DAB1: variants seen among roughly 807,000 people sequenced by gnomAD.
The protein encoded by DAB1 is disabled homolog 1.
In DAB1, 15 loss-of-function variants were observed where a neutral mutation model predicts 64.6. The ratio of observed to expected loss-of-function variants is 0.23; its 90% CI spans 0.16 to 0.36. The LOEUF is 0.36. Ranked by LOEUF, DAB1 falls within the 10% of genes least tolerant of loss-of-function variation. The pLI is 1.00. For synonymous variants in DAB1, 235 were observed against 251.9 expected, an observed-to-expected ratio of 0.93 and a Z score of 0.64; for missense variants, 596 against 706.7, an observed-to-expected ratio of 0.84 and a Z score of 1.78.
rs12066549 is a variant in DAB1 at position 58,343,099 on chromosome 1, C to A, written n.309+253G>T. Among the ~76,000 whole-genome samples the A allele has an allele frequency of 3.3e-3, 496 of 152,274 alleles. 3 individuals carry two copies. Among genetic ancestry groups the A allele is most frequent in the African/African-American group, 0.011 (472 of 41,570 alleles). On this transcript the variant is annotated intron_variant and non_coding_transcript_variant, in intron 4 of 20. Coordinates refer to the DAB1 transcript ENST00000485760. ...CTCCTATTTGTCTCAAATGTTCCAT[C>A]CAGCCCCAACTCCCTTTTCCACAGG...
intron 5 of DAB1, among the ~76,000 whole-genome samples, chr1:58,109,840 G>A (rs574425357): frequency 1.3e-5 from 2 of 151,506 alleles, no homozygotes; most frequent in Non-Finnish European, 2.9e-5. Flanking sequence ...AGAAGGGGAG[G>A]TTTTGGAGAT....
intron 5 of DAB1, among the ~76,000 whole-genome samples, chr1:58,073,056 A>G (rs1206926843): frequency 6.6e-6 from 1 of 152,208 alleles, no homozygotes; most frequent in Non-Finnish European, 1.5e-5. Flanking sequence ...GCTATTTTAT[A>G]ATGGGGAAAC....
At chr1:57,622,382 T>A (rs1346851827) in intron 7 of DAB1, among the ~76,000 whole-genome samples, 6 of 152,226 alleles carry the variant, frequency 3.9e-5, no homozygotes, top group African/African-American at 1.4e-4. Context: ...GATATGGGTT[T>A]GAATCCAGGC....
intron 4 of DAB1, among the ~76,000 whole-genome samples, chr1:58,286,294 CA>C (rs1230729228): frequency 6.6e-6 from 1 of 152,066 alleles, no homozygotes; most frequent in Non-Finnish European, 1.5e-5. Flanking sequence ...GCAATTGCAA[CA>C]AAAGCAAAAA....
intron 2 of DAB1, among the ~76,000 whole-genome samples, chr1:57,280,274 C>T (rs1671782683): frequency 6.6e-6 from 1 of 152,178 alleles, no homozygotes; most frequent in Non-Finnish European, 1.5e-5. Flanking sequence ...CTTGCCTCTC[C>T]TCTGCCTTTG....
intron 5 of DAB1, among the ~76,000 whole-genome samples, chr1:58,090,458 C>T (rs1364810280): frequency 1.3e-5 from 2 of 152,072 alleles, no homozygotes; most frequent in African/African-American, 2.4e-5. Context: ...TTTTCTCCTC[C>T]GGGCCTATCA....
chr1:57,872,549 C>T (rs919866074), intron 1 of DAB1, among the ~76,000 whole-genome samples: 1 of 152,132 alleles, frequency 6.6e-6, no homozygotes, highest in Admixed American at 6.5e-5. Context: ...AAGATAACTA[C>T]CCACTGGTCA....
At chr1:57,814,537 C>T (rs1266447924) in intron 6 of DAB1, among the ~76,000 whole-genome samples, 1 of 152,140 alleles carries the variant, frequency 6.6e-6, no homozygotes, top group Admixed American at 6.5e-5. Context: ...ACACAGGACA[C>T]TGCAAAGAGC....
At chr1:58,395,672 T>G (rs910583128) in intron 3 of DAB1, among the ~76,000 whole-genome samples, 5 of 152,152 alleles carry the variant, frequency 3.3e-5, no homozygotes, top group African/African-American at 4.8e-5. Context: ...CTCTTTTTTT[T>G]GGGAAGTTAG....
chr1:57,643,610 C>T (rs974821011), intron 7 of DAB1, among the ~76,000 whole-genome samples: 1 of 152,132 alleles, frequency 6.6e-6, no homozygotes, highest in Admixed American at 6.5e-5. Flanking sequence ...TATTTCATTT[C>T]TTCAGCTTCT....
At chr1:57,538,414 C>T (rs1422946584) in intron 7 of DAB1, among the ~76,000 whole-genome samples, 2 of 152,128 alleles carry the variant, frequency 1.3e-5, no homozygotes, top group Non-Finnish European at 2.9e-5. Context: ...GCCCTACCTC[C>T]CTCCCTGGCT....
intron 2 of DAB1, among the ~76,000 whole-genome samples, chr1:57,216,705 TA>T (rs1442574822): frequency 6.6e-6 from 1 of 152,244 alleles, no homozygotes; most frequent in African/African-American, 2.4e-5. Context: ...CTTTTATTTA[TA>T]TGCCACTTTG....
Position 58,413,974 on chromosome 1 carries a change from T to C in DAB1, n.258-70571A>G, listed in dbSNP as rs564471380. Among the ~76,000 whole-genome samples the C allele has an allele frequency of 5.3e-5, 8 of 152,328 alleles. 1 individual carries two copies. In the South Asian group the frequency reaches 1.7e-3, roughly 32 times the overall value. On this transcript the variant is annotated intron_variant and non_coding_transcript_variant, in intron 3 of 20. Coordinates refer to the DAB1 transcript ENST00000485760. ...TAGCTTACTACACACCTAGAGTATA[T>C]GGTGTAGCATATTGCTTCTAAGCTA...
At chr1:58,400,895 G>A (rs1644563651) in intron 3 of DAB1, among the ~76,000 whole-genome samples, 1 of 152,078 alleles carries the variant, frequency 6.6e-6, no homozygotes, top group Admixed American at 6.6e-5. Flanking sequence ...AAATGAAGAT[G>A]GACAAGGTGG....
At position 58,530,857 on chromosome 1, in the gene DAB1, T is replaced by C. The variant is rs115196859; in HGVS notation, n.33-3522A>G. On this transcript the variant is annotated intron_variant and non_coding_transcript_variant, in intron 1 of 20. Transcript: ENST00000485760. ...CCTAAGACTGAGAGTTCTCTTTTTC[T>C]TCTTTTGCTTATTCTTTCCGGGTCT... The C allele has an allele frequency of 6.7e-4, 406 of 602,642 alleles. 4 individuals carry two copies. In the African/African-American group the frequency reaches 6.8e-3, roughly 10 times the overall value. 37.3% of individuals were successfully genotyped at this position (602,642 alleles called of 1,614,324 possible).
intron 5 of DAB1, among the ~76,000 whole-genome samples, chr1:58,101,882 C>A: frequency 6.6e-6 from 1 of 152,190 alleles, no homozygotes; most frequent in Admixed American, 6.5e-5. Flanking sequence ...ACCACAGTGA[C>A]TGAGAGTTGG....
intron 9 of DAB1, among the ~76,000 whole-genome samples, chr1:57,037,725 A>G (rs1157329710): frequency 6.6e-6 from 1 of 152,174 alleles, no homozygotes; most frequent in African/African-American, 2.4e-5. Context: ...GCTCTTTATC[A>G]CCTTTACCCA....
intron 5 of DAB1, chr1:58,047,841 C>CT (rs371261121): frequency 1.6e-5 from 4 of 244,690 alleles, no homozygotes; most frequent in South Asian, 1.6e-4. Context: ...ACCTGAACTA[C>CT]TTTTTTTAAG....
intron 3 of DAB1, among the ~76,000 whole-genome samples, chr1:58,412,886 A>G (rs1644684595): frequency 6.6e-6 from 1 of 152,222 alleles, no homozygotes; most frequent in South Asian, 2.1e-4. Context: ...AATATTTGTT[A>G]AAGTCATTTT....
Sources: gnomAD v4.1 joint callset for allele counts (sites outside exome capture counted in the v4.1 genomes callset) on GRCh38, gnomAD v4.1.1 for gene constraint, MANE v1.5 for transcripts, NCBI Gene and HGNC (gene_info 2026-07-23, HGNC 2026-07-21) for gene names.